Variants in CLVS2 observed in about 807,000 individuals in gnomAD.
CLVS2 encodes the protein clavesin-2.
CLVS2 carries 19 observed loss-of-function variants against 29.0 expected under a neutral mutation model. The ratio of observed to expected loss-of-function variants is 0.66; its 90% CI spans 0.46 to 0.96. The LOEUF is 0.96. CLVS2 is among the 40% of genes least tolerant of loss of function. The pLI, the probability that CLVS2 is intolerant of heterozygous loss-of-function variation, is 0.00. For synonymous variants in CLVS2, 161 were observed against 151.3 expected (o/e 1.06, Z -0.47); for missense variants, 294 against 404.1 (o/e 0.73, Z 2.34).
chr6:123,011,484 G>A (rs900340618), intron 3 of CLVS2, among the ~76,000 whole-genome samples: 1 of 151,802 alleles, frequency 6.6e-6, no homozygotes, highest in Middle Eastern at 3.2e-3. Context: ...TCTTTTTTCT[G>A]TGCCTATTAA....
At chr6:123,013,463 TA>T (rs1004672702) in intron 3 of CLVS2, among the ~76,000 whole-genome samples, 83 of 150,722 alleles carry the variant, frequency 5.5e-4, no homozygotes, top group Admixed American at 7.3e-4. Flanking sequence ...TAGAAAAACA[TA>T]AAAAAAAATT....
In CLVS2 at chr6:123,049,052, GAAGTA is replaced by G. The variant is rs1275316598; in HGVS notation, c.675+325_675+329del. Among the ~76,000 whole-genome samples, 13 of 152,250 alleles carry G rather than the reference GAAGTA, an allele frequency of 8.5e-5. No homozygotes were observed. In the South Asian group the frequency reaches 2.7e-3, roughly 32 times the overall value. On this transcript the variant is annotated intron_variant, in intron 4 of 5. Transcript: ENST00000275162. Reference sequence around the variant, plus strand: ...ATAGTGTTATTGATGCACTTAATTTGAAGTAAAGTCTAAACAAAAGTTATAATTTT... The same window carrying G: ...ATAGTGTTATTGATGCACTTAATTTGAAGTCTAAACAAAAGTTATAATTTT...
chr6:123,026,102 G>A (rs940398202), intron 3 of CLVS2, among the ~76,000 whole-genome samples: 14 of 152,012 alleles, frequency 9.2e-5, no homozygotes, highest in African/African-American at 3.1e-4. Flanking sequence ...TCCATGTTAA[G>A]AGTAATATTT....
intron 3 of CLVS2, among the ~76,000 whole-genome samples, chr6:123,046,060 G>A (rs1340569582): frequency 6.6e-6 from 1 of 152,144 alleles, no homozygotes; most frequent in African/African-American, 2.4e-5. Context: ...GACTGGAAGC[G>A]AGGAAGATCA....
chr6:123,040,769 AAAAAGAAAAG>A (rs79565060), intron 3 of CLVS2, among the ~76,000 whole-genome samples: 72 of 146,058 alleles, frequency 4.9e-4, no homozygotes, highest in South Asian at 4.3e-3. Flanking sequence ...CTCCGTCTCA[AAAAAGAAAAG>A]AAAAGAAAAG....
At position 123,008,307 on chromosome 6, in the gene CLVS2, A is replaced by G. The variant is rs79710408; in HGVS notation, c.390-2678A>G. On this transcript the variant is annotated intron_variant, in intron 2 of 5. Transcript: ENST00000275162. ...TTACTCTTGATAATTTTGCAAACCTACTTTTCTTCATTGCTGATTTTGGGA... is the reference window on the plus strand; with the variant it reads ...TTACTCTTGATAATTTTGCAAACCTGCTTTTCTTCATTGCTGATTTTGGGA... Among the ~76,000 whole-genome samples, 729 of 152,192 alleles carry G rather than the reference A, an allele frequency of 4.8e-3. 3 individuals are homozygous for G. The highest frequency in any genetic ancestry group is 0.017 in the African/African-American group (699 of 41,526).
At chr6:123,018,653 T>G (rs544296910) in intron 3 of CLVS2, among the ~76,000 whole-genome samples, 82 of 145,564 alleles carry the variant, frequency 5.6e-4, no homozygotes, top group Middle Eastern at 6.9e-3. Context: ...TCTTTTTTCT[T>G]TATGTTCTGA....
chr6:123,055,787 C>G lies in CLVS2; in HGVS notation c.676-19C>G. On this transcript the variant is annotated intron_variant, in intron 4 of 5. Transcript: ENST00000275162. ...TTCCTCTGTGTCTTTCCCTTCCTCC[C>G]GTCTTCTTGCATTTATAGATATTTT... 1 of 1,555,628 alleles carries G rather than the reference C, an allele frequency of 6.4e-7. No homozygotes were observed. Among genetic ancestry groups the G allele is most frequent in the Non-Finnish European group, 8.9e-7 (1 of 1,126,942 alleles).
intron 3 of CLVS2, among the ~76,000 whole-genome samples, chr6:123,032,639 C>G (rs958443549): frequency 6.6e-6 from 1 of 152,006 alleles, no homozygotes; most frequent in Admixed American, 6.6e-5. Context: ...GTGAATGCTG[C>G]ATGGCTATAG....
rs1250074757 is a variant in CLVS2, at chr6:123,071,471, C to G, written c.*7710C>G. On this transcript the variant is annotated 3_prime_UTR_variant, in exon 6 of 6. Coordinates refer to ENST00000275162, the MANE Select transcript of CLVS2 (RefSeq NM_001010852.4). ...ACCCTATATCTATCCACATGGCTTA[C>G]TCTTGGAGAGACTACAAGATAGCTC... 1 of 151,932 alleles carries G rather than the reference C, an allele frequency of 6.6e-6. No individual in the cohort carries two copies. The highest frequency in any genetic ancestry group is 1.5e-5 in the Non-Finnish European group (1 of 67,928). 9.4% of individuals were successfully genotyped at this position (151,932 alleles called of 1,614,324 possible).
rs1334910519 is a variant in CLVS2, at chr6:123,067,711, A to G, written c.*3950A>G. On this transcript the variant is annotated 3_prime_UTR_variant, in exon 6 of 6. Transcript: ENST00000275162. ...CTGCTATATAAATACATAGCCTGAA[A>G]CATAGTAATGCATTTGAAATTTGTG... The G allele has an allele frequency of 1.3e-5, 2 of 151,748 alleles. No individual in the cohort carries two copies. The highest frequency in any genetic ancestry group is 3.0e-5 in the Non-Finnish European group (2 of 67,736). 9.4% of individuals were successfully genotyped at this position (151,748 alleles called of 1,614,324 possible). A position where few individuals can be genotyped will look rare whatever the true frequency, so the allele number is the denominator to read the frequency against.
Position 122,997,551 on chromosome 6 carries a change from A to G in CLVS2, c.-227A>G, listed in dbSNP as rs576389124. On this transcript the variant is annotated 5_prime_UTR_variant, in exon 2 of 6. Coordinates refer to ENST00000275162, the MANE Select transcript of CLVS2 (RefSeq NM_001010852.4). Reference sequence around the variant, plus strand: ...GAGCCAAAGTAGGGTGTTGTATTTTAGGGGGCAGAGGAAGAAGTTTACACC... The same window carrying G: ...GAGCCAAAGTAGGGTGTTGTATTTTGGGGGGCAGAGGAAGAAGTTTACACC... 7 of 585,300 alleles carry G rather than the reference A, an allele frequency of 1.2e-5. No homozygotes were observed. Among genetic ancestry groups the G allele is most frequent in the Non-Finnish European group, 9.3e-6 (3 of 323,134 alleles). 36.3% of individuals were successfully genotyped at this position (585,300 alleles called of 1,614,324 possible).
intron 2 of CLVS2, 85 bp downstream of exon 2, chr6:122,998,251 T>C (rs960695806): frequency 2.1e-6 from 3 of 1,439,520 alleles, no homozygotes; most frequent in Admixed American, 2.2e-5. Context: ...GTTTTGTAGA[T>C]TTGATATTTT....
intron 3 of CLVS2, among the ~76,000 whole-genome samples, chr6:123,020,726 T>C (rs1774907928): frequency 6.6e-6 from 1 of 152,104 alleles, no homozygotes. Context: ...GTCAATACAA[T>C]TTTAATCAGT....
intron 3 of CLVS2, among the ~76,000 whole-genome samples, chr6:123,033,251 A>T (rs1456148743): frequency 6.6e-6 from 1 of 152,092 alleles, no homozygotes; most frequent in Non-Finnish European, 1.5e-5. Context: ...ATTATATTTG[A>T]AAGATATTTT....
chr6:123,004,914 CAAAACA>C (rs753260568), intron 2 of CLVS2, among the ~76,000 whole-genome samples: 47 of 141,344 alleles, frequency 3.3e-4, no homozygotes, highest in Admixed American at 7.2e-4. Flanking sequence ...ACTCCATCTC[CAAAACA>C]AAAACAAAAA....
At chr6:122,998,213 T>G (rs1774540712) in intron 2 of CLVS2, 47 bp downstream of exon 2, 4 of 1,563,562 alleles carry the variant, frequency 2.6e-6, no homozygotes, top group Non-Finnish European at 3.5e-6. Context: ...TCTCCCATTT[T>G]CCAGAATTTA....
chr6:123,014,485 G>A lies in CLVS2; in HGVS notation c.564+3326G>A, dbSNP rs556868472. ...AATGTGGGAGGGTAGAAATAGAAAAGCTTCTAAAGGCAGACAGAACAGGAT... is the reference window on the plus strand; with the variant it reads ...AATGTGGGAGGGTAGAAATAGAAAAACTTCTAAAGGCAGACAGAACAGGAT... On this transcript the variant is annotated intron_variant, in intron 3 of 5. Transcript: ENST00000275162. 1.4e-3 allele frequency among the ~76,000 whole-genome samples: 218 copies of A among 152,126 alleles called. 2 individuals carry two copies. The highest frequency in any genetic ancestry group is 1.4e-3 in the Non-Finnish European group (94 of 67,978).
intron 3 of CLVS2, among the ~76,000 whole-genome samples, chr6:123,036,782 C>A (rs1377840242): frequency 6.6e-6 from 1 of 152,060 alleles, no homozygotes; most frequent in Non-Finnish European, 1.5e-5. Context: ...TCTTTAGATC[C>A]TCTCAAGCTA....
Sources: gnomAD v4.1 joint callset for allele counts (sites outside exome capture counted in the v4.1 genomes callset) on GRCh38, gnomAD v4.1.1 for gene constraint, MANE v1.5 for transcripts, NCBI Gene and HGNC (gene_info 2026-07-23, HGNC 2026-07-21) for gene names.